The following LARS1 variants were observed in gnomAD, a reference collection of about 807,000 sequenced individuals.
The protein encoded by LARS1 is leucine--tRNA ligase, cytoplasmic.
A neutral mutation model predicts 162.8 loss-of-function variants in LARS1; 100 were observed. That is an observed-to-expected ratio of 0.61 (90% CI 0.52 to 0.73). The LOEUF (loss-of-function observed/expected upper bound fraction) is 0.73. Ranked by LOEUF, LARS1 falls within the 30% of genes least tolerant of loss-of-function variation. The probability of loss-of-function intolerance (pLI) is 0.00; values close to 1 mark genes in which losing one functional copy is unlikely to be tolerated. For synonymous variants in LARS1, 457 were observed against 462.8 expected (o/e 0.99, Z 0.16); for missense variants, 1,258 against 1,408.9 (o/e 0.89, Z 1.71).
chr5:146,150,453 C>T (rs911544839), intron 14 of LARS1, among the ~76,000 whole-genome samples: 2 of 152,046 alleles, frequency 1.3e-5, no homozygotes, highest in Non-Finnish European at 2.9e-5. Context: ...TTAATGAATG[C>T]AGTGATTAAG....
At chr5:146,119,769 AAAG>A (rs2126365069) in intron 31 of LARS1, among the ~76,000 whole-genome samples, 1 of 152,306 alleles carries the variant, frequency 6.6e-6, no homozygotes, top group South Asian at 2.1e-4. Context: ...TGTTTAGAAG[AAAG>A]AATATGAGCT....
At chr5:146,128,274 T>A (rs1752123819) in intron 27 of LARS1, among the ~76,000 whole-genome samples, 1 of 152,046 alleles carries the variant, frequency 6.6e-6, no homozygotes, top group African/African-American at 2.4e-5. Context: ...TAAACAAGGT[T>A]ACGATTTGAA....
chr5:146,173,556 AT>A (rs1230580665), intron 2 of LARS1, among the ~76,000 whole-genome samples: 1 of 143,628 alleles, frequency 7.0e-6, no homozygotes, highest in Admixed American at 7.0e-5. Context: ...TTTTTTTTTA[AT>A]TTTTTAGTTG....
intron 21 of LARS1, 100 bp downstream of exon 21, chr5:146,140,104 G>T: frequency 1.1e-6 from 1 of 908,266 alleles, no homozygotes; most frequent in Non-Finnish European, 1.8e-6. Flanking sequence ...ACCACACCTG[G>T]ACACATTATT....
At chr5:146,181,615 G>A (rs915660053) in intron 1 of LARS1, among the ~76,000 whole-genome samples, 5 of 151,946 alleles carry the variant, frequency 3.3e-5, no homozygotes, top group Non-Finnish European at 7.4e-5. Context: ...TCACGCCACT[G>A]CATTCCAGTC....
intron 13 of LARS1, among the ~76,000 whole-genome samples, chr5:146,152,304 T>C (rs1276543216): frequency 1.3e-5 from 2 of 152,146 alleles, no homozygotes; most frequent in Admixed American, 6.5e-5. Flanking sequence ...TAATTCATAC[T>C]GAAACTAGCA....
intron 29 of LARS1, among the ~76,000 whole-genome samples, chr5:146,122,978 A>T: frequency 6.6e-6 from 1 of 151,990 alleles, no homozygotes; most frequent in African/African-American, 2.4e-5. Flanking sequence ...AGCACAGTGC[A>T]TATGTCTGAA....
Position 146,157,579 on chromosome 5 carries a change from C to A in LARS1, c.889G>T (p.Glu297Ter). ...CAATTTGTCTGCCCAAACATGGTCT[C>A]AGGTCTGAGAGTAGCAGCCACCAAG... ...IFLVAATLRP[E>*]TMFGQTNCWV... Residue 297 changes from glutamate (E) to a stop codon, truncating the protein, a stop_gained, in exon 10 of 32, where the codon GAG (glutamate) becomes TAG (stop). Transcript: ENST00000394434. LOFTEE classifies it high-confidence loss of function. The A allele has an allele frequency of 6.2e-7, 1 of 1,614,070 alleles. No homozygotes were observed. Among genetic ancestry groups the A allele is most frequent in the Non-Finnish European group, 8.5e-7 (1 of 1,180,026 alleles).
At chr5:146,133,521 C>T (rs1752380685) in intron 22 of LARS1, among the ~76,000 whole-genome samples, 1 of 152,018 alleles carries the variant, frequency 6.6e-6, no homozygotes, top group Non-Finnish European at 1.5e-5. Flanking sequence ...ATGAATTTTT[C>T]TCAGTTTTGA....
At chr5:146,168,476 T>G (rs1278968743) in intron 4 of LARS1, among the ~76,000 whole-genome samples, 1 of 152,156 alleles carries the variant, frequency 6.6e-6, no homozygotes, top group Non-Finnish European at 1.5e-5. Context: ...GGCAGGCAGA[T>G]CACTTGTCAG....
At chr5:146,134,626 A>G (rs1210774456) in intron 22 of LARS1, among the ~76,000 whole-genome samples, 2 of 152,212 alleles carry the variant, frequency 1.3e-5, no homozygotes, top group African/African-American at 2.4e-5. Flanking sequence ...GAAAAAATCA[A>G]TGTTCCCAGG....
rs1754681493 is a variant in LARS1 at position 146,178,152 on chromosome 5, T to C, written c.7-487A>G. ...TGTACCTCAAACCTCAAAGAAATGG[T>C]TGAACAATTACTGAAATATGTAAAA... On this transcript the variant is annotated intron_variant, in intron 1 of 31. Coordinates refer to ENST00000394434, the MANE Select transcript of LARS1 (RefSeq NM_020117.11). Among the ~76,000 whole-genome samples the C allele has an allele frequency of 2.0e-5, 3 of 152,276 alleles. No homozygotes were observed. The South Asian group carries it at 6.2e-4, about 32-fold the overall frequency.
At position 146,181,848 on chromosome 5, in the gene LARS1, C is replaced by CTTTTTTTTTTTTTTTTTTTT. The variant is rs34658033; in HGVS notation, c.6+620_6+639dup. 3.2e-4 allele frequency among the ~76,000 whole-genome samples: 17 copies of CTTTTTTTTTTTTTTTTTTTT among 53,042 alleles called. 4 individuals are homozygous for CTTTTTTTTTTTTTTTTTTTT. The highest frequency in any genetic ancestry group is 4.3e-4 in the Non-Finnish European group (13 of 30,312). 34.8% of individuals were successfully genotyped at this position (53,042 alleles called of 152,430 possible). A position where few individuals can be genotyped will look rare whatever the true frequency, so the allele number is the denominator to read the frequency against. ...TTTACGGAGAGGCGCTCAATTTTTT[C>CTTTTTTTTTTTTTTTTTTTT]TTTTTTTTTTTTTTTTTTTTTTTTT... On this transcript the variant is annotated intron_variant, in intron 1 of 31. Coordinates refer to ENST00000394434, the MANE Select transcript of LARS1 (RefSeq NM_020117.11).
chr5:146,170,897 A>AG (rs1234280641), intron 4 of LARS1, among the ~76,000 whole-genome samples: 3 of 151,322 alleles, frequency 2.0e-5, no homozygotes, highest in Admixed American at 6.6e-5. Context: ...AAAAAAAAAA[A>AG]GAAGAAAAAG....
Position 146,172,783 on chromosome 5 carries a change from C to G in LARS1, c.126-9G>C, listed in dbSNP as rs181291967. On this transcript the variant is annotated splice_polypyrimidine_tract_variant and intron_variant, in intron 2 of 31. Coordinates refer to ENST00000394434, the MANE Select transcript of LARS1 (RefSeq NM_020117.11). ...CAAAATACTTGCCCTTGCTGCAAAA[C>G]AACAGTATAAAAAAGAAAGTACAGA... 6.7e-7 allele frequency: 1 copy of G among 1,483,790 alleles called. No homozygotes were observed. The highest frequency in any genetic ancestry group is 9.1e-7 in the Non-Finnish European group (1 of 1,095,606). The allele number at this position is 1,483,790 out of a possible 1,614,324, so 91.9% of individuals were successfully genotyped here.
chr5:146,123,630 A>G (rs959537117), intron 29 of LARS1, among the ~76,000 whole-genome samples: 3 of 151,702 alleles, frequency 2.0e-5, no homozygotes, highest in African/African-American at 7.3e-5. Flanking sequence ...GGGAGGGGGG[A>G]AAAAAGGCAA....
Position 146,182,506 on chromosome 5 carries a change from C to T in LARS1, c.-13G>A, listed in dbSNP as rs558885890. On this transcript the variant is annotated 5_prime_UTR_variant, in exon 1 of 32. Transcript: ENST00000394434. Reference sequence around the variant, plus strand: ...AACTCACCGCCATTGCACCGCCCAGCCGACTGTGCAAATCCACGACAATGA... The same window carrying T: ...AACTCACCGCCATTGCACCGCCCAGTCGACTGTGCAAATCCACGACAATGA... The T allele has an allele frequency of 3.1e-6, 5 of 1,613,960 alleles. No homozygotes were observed. The highest frequency in any genetic ancestry group is 1.1e-5 in the South Asian group (1 of 91,068).
chr5:146,167,514 A>C (rs1413560139), intron 5 of LARS1, among the ~76,000 whole-genome samples: 2 of 151,568 alleles, frequency 1.3e-5, no homozygotes, highest in East Asian at 3.9e-4. Context: ...CGCCATTCTG[A>C]TGCCTCAGCC....
chr5:146,149,725 C>A (rs1322489466), intron 14 of LARS1, 26 bp from the exon 15 acceptor site: 8 of 1,535,704 alleles, frequency 5.2e-6, no homozygotes, highest in Non-Finnish European at 7.2e-6. Flanking sequence ...GGGAGAAAAA[C>A]CACATATAAA....
Sources: allele counts gnomAD v4.1 joint callset (sites outside exome capture counted in the v4.1 genomes callset), GRCh38; gene constraint gnomAD v4.1.1; transcripts MANE v1.5; gene names NCBI Gene and HGNC (gene_info 2026-07-23, HGNC 2026-07-21).